The following BACH2 variants were observed in gnomAD, a reference collection of about 807,000 sequenced individuals.
The protein encoded by BACH2 is BACH transcriptional regulator 2, also known as transcription regulator protein BACH2.
In BACH2, 5 loss-of-function variants were observed where a neutral mutation model predicts 61.8. The observed-to-expected ratio is 0.08, with a 90% confidence interval of 0.04 to 0.17. BACH2 has a LOEUF of 0.17. BACH2 is among the 10% of genes least tolerant of loss of function. The pLI is 1.00. For synonymous variants in BACH2, 446 were observed against 440.1 expected, an observed-to-expected ratio of 1.01 and a Z score of -0.17; for missense variants, 824 against 1,091.1, an observed-to-expected ratio of 0.76 and a Z score of 3.45.
chr6:90,256,529 C>A (rs1667768152), intron 2 of BACH2, among the ~76,000 whole-genome samples: 1 of 152,148 alleles, frequency 6.6e-6, no homozygotes, highest in African/African-American at 2.4e-5. Flanking sequence ...TGTCACCTAC[C>A]ATTCATCAAC....
chr6:90,206,626 T>C lies in BACH2; in HGVS notation c.-219A>G, dbSNP rs3734660. 0.33 allele frequency: 51,011 copies of C among 152,272 alleles called. 9,816 individuals are homozygous for C. Among genetic ancestry groups the C allele is most frequent in the Non-Finnish European group, 0.43 (29,235 of 68,006 alleles). 9.4% of individuals were successfully genotyped at this position (152,272 alleles called of 1,614,324 possible). On this transcript the variant is annotated 5_prime_UTR_variant, in exon 4 of 9. Transcript: ENST00000257749. Reference sequence around the variant, plus strand: ...TCAGACATGTCACAGTGCGAGGAAGTTCTTGAAGATTCTCCTCATTCCTGG... The same window carrying C: ...TCAGACATGTCACAGTGCGAGGAAGCTCTTGAAGATTCTCCTCATTCCTGG...
At chr6:90,182,525 G>T (rs1768204408) in intron 4 of BACH2, among the ~76,000 whole-genome samples, 1 of 152,128 alleles carries the variant, frequency 6.6e-6, no homozygotes, top group African/African-American at 2.4e-5. Flanking sequence ...ATGGGCTTAG[G>T]GACTGATCTT....
intron 4 of BACH2, among the ~76,000 whole-genome samples, chr6:90,187,316 TA>T (rs1436096102): frequency 6.6e-6 from 1 of 152,198 alleles, no homozygotes; most frequent in African/African-American, 2.4e-5. Flanking sequence ...TAACAGCATC[TA>T]AAAAATATAT....
chr6:90,008,489 A>G lies in BACH2; in HGVS notation c.243+113T>C. 1 of 1,355,406 alleles carries G rather than the reference A, an allele frequency of 7.4e-7. No homozygotes were observed. The highest frequency in any genetic ancestry group is 1.3e-5 in the South Asian group (1 of 75,048). The allele number at this position is 1,355,406 out of a possible 1,614,324, so 84.0% of individuals were successfully genotyped here. ...CACAGACCTAACATGTGACTTGGAC[A>G]TCAACTCCTGAGTGGGGACATGGCA... On this transcript the variant is annotated intron_variant, in intron 6 of 8. Transcript: ENST00000257749. This position sits in a 1 kb window ranked among gnomAD's most constrained non-coding sequence, Gnocchi z 4.1.
intron 4 of BACH2, among the ~76,000 whole-genome samples, chr6:90,175,262 T>C (rs1767949259): frequency 6.6e-6 from 1 of 152,146 alleles, no homozygotes; most frequent in Non-Finnish European, 1.5e-5. Context: ...GAAATTAATA[T>C]TTATTATTTT....
intron 5 of BACH2, among the ~76,000 whole-genome samples, chr6:90,069,850 A>C (rs1048410407): frequency 3.9e-5 from 6 of 152,164 alleles, no homozygotes; most frequent in East Asian, 1.9e-4. Flanking sequence ...GCAGAGAAGA[A>C]GACTCCATGC....
chr6:89,991,025 T>C (rs1263411981), intron 6 of BACH2, among the ~76,000 whole-genome samples: 3 of 152,234 alleles, frequency 2.0e-5, no homozygotes, highest in Non-Finnish European at 4.4e-5. Flanking sequence ...CCTAAATTAC[T>C]GTCTATCACA....
intron 5 of BACH2, among the ~76,000 whole-genome samples, chr6:90,015,412 T>C (rs933317471): frequency 2.0e-5 from 3 of 152,226 alleles, no homozygotes; most frequent in African/African-American, 7.2e-5. Context: ...TAACACAGGC[T>C]TTAATGCTAT....
intron 1 of BACH2, among the ~76,000 whole-genome samples, chr6:90,273,094 C>T (rs1771579258): frequency 6.6e-6 from 1 of 152,182 alleles, no homozygotes; most frequent in Non-Finnish European, 1.5e-5. Context: ...GGTGCAGTGG[C>T]TCACACCTGT....
intron 4 of BACH2, among the ~76,000 whole-genome samples, chr6:90,105,772 T>G (rs563479502): frequency 1.0e-3 from 154 of 152,196 alleles, no homozygotes; most frequent in Non-Finnish European, 1.3e-3. Flanking sequence ...AGAAGAAAAG[T>G]GAAGGATGGG....
In BACH2 at chr6:90,239,121, T is replaced by C. The variant is rs149357756; in HGVS notation, c.-275+13392A>G. ...TGTTTGCCAATCAATGCTAAAATGATACTTGAATTAAAATCAATACACAAC... is the reference window on the plus strand; with the variant it reads ...TGTTTGCCAATCAATGCTAAAATGACACTTGAATTAAAATCAATACACAAC... On this transcript the variant is annotated intron_variant, in intron 3 of 8. Coordinates refer to ENST00000257749, the MANE Select transcript of BACH2 (RefSeq NM_021813.4). 7.9e-5 allele frequency among the ~76,000 whole-genome samples: 12 copies of C among 152,348 alleles called. No homozygotes were observed. In the East Asian group the frequency reaches 2.3e-3, roughly 29 times the overall value.
At chr6:90,144,787 G>C (rs79743450) in intron 4 of BACH2, among the ~76,000 whole-genome samples, 4,920 of 152,200 alleles carry the variant, frequency 0.032, 114 homozygotes, top group South Asian at 0.096. Flanking sequence ...TACAATGCAG[G>C]TGAGTAAACA....
chr6:90,106,168 C>T (rs757928951), intron 4 of BACH2, among the ~76,000 whole-genome samples: 1 of 152,152 alleles, frequency 6.6e-6, no homozygotes, highest in African/African-American at 2.4e-5. Context: ...ATATTTATTC[C>T]ATAAAATTAT....
intron 5 of BACH2, among the ~76,000 whole-genome samples, chr6:90,034,068 GT>G (rs1483426910): frequency 3.9e-5 from 6 of 152,110 alleles, no homozygotes; most frequent in Non-Finnish European, 8.8e-5. Context: ...TACACCCTGG[GT>G]TACCCTCATC....
At chr6:90,166,571 T>C (rs1323691416) in intron 4 of BACH2, among the ~76,000 whole-genome samples, 1 of 152,148 alleles carries the variant, frequency 6.6e-6, no homozygotes, top group Non-Finnish European at 1.5e-5. Flanking sequence ...ACCCAAAGGA[T>C]TATAAATCAT....
chr6:90,019,657 C>T (rs994156441), intron 5 of BACH2, among the ~76,000 whole-genome samples: 3 of 152,132 alleles, frequency 2.0e-5, no homozygotes, highest in Non-Finnish European at 2.9e-5. Context: ...CATTTTGTGC[C>T]GTTATATTGT....
intron 4 of BACH2, among the ~76,000 whole-genome samples, chr6:90,200,612 AT>A (rs1768925041): frequency 6.6e-6 from 1 of 152,148 alleles, no homozygotes; most frequent in South Asian, 2.1e-4. Flanking sequence ...AATAGTACTT[AT>A]TTTTTAAATG....
chr6:90,294,587 T>C (rs1772279641), intron 1 of BACH2, among the ~76,000 whole-genome samples: 1 of 152,142 alleles, frequency 6.6e-6, no homozygotes, highest in African/African-American at 2.4e-5. Context: ...CACTGTAATT[T>C]GGCAATCTCT....
At chr6:90,251,480 C>T (rs1013416144) in intron 3 of BACH2, among the ~76,000 whole-genome samples, 8 of 134,362 alleles carry the variant, frequency 6.0e-5, no homozygotes, top group African/African-American at 2.0e-4. Context: ...TTAAAAATAG[C>T]CACTCAGTAC....
Sources: allele counts gnomAD v4.1 joint callset (sites outside exome capture counted in the v4.1 genomes callset), GRCh38; gene constraint gnomAD v4.1.1; non-coding constraint Gnocchi (gnomAD v3.1); transcripts MANE v1.5; gene names NCBI Gene and HGNC (gene_info 2026-07-23, HGNC 2026-07-21).